Variants in LSMEM1 observed in about 807,000 individuals in gnomAD.
The protein encoded by LSMEM1 is leucine-rich single-pass membrane protein 1.
In LSMEM1, 10 loss-of-function variants were observed where a neutral mutation model predicts 11.3. The ratio of observed to expected loss-of-function variants is 0.89; its 90% CI spans 0.55 to 1.50. The LOEUF (loss-of-function observed/expected upper bound fraction) is 1.50. Ranked by LOEUF, LSMEM1 falls within the 40% of genes most tolerant of loss-of-function variation. The pLI is 0.00. For missense variants in LSMEM1, 151 were observed against 152.9 expected (o/e 0.99, Z 0.06); for synonymous variants, 65 against 59.3 (o/e 1.10, Z -0.44).
At chr7:112,488,095 G>A (rs760437881) in intron 3 of LSMEM1, among the ~76,000 whole-genome samples, 1 of 152,164 alleles carries the variant, frequency 6.6e-6, no homozygotes, top group African/African-American at 2.4e-5. Flanking sequence ...CTTACAGCTT[G>A]AAGGTCTTTA....
intron 1 of LSMEM1, chr7:112,483,700 G>A (rs1796076114): frequency 6.6e-6 from 1 of 152,186 alleles, no homozygotes; most frequent in Non-Finnish European, 1.5e-5. Flanking sequence ...CACAAAGCAA[G>A]ACTCATTGAA....
At chr7:112,487,784 A>G (rs1464187093) in intron 3 of LSMEM1, among the ~76,000 whole-genome samples, 1 of 152,208 alleles carries the variant, frequency 6.6e-6, no homozygotes, top group East Asian at 1.9e-4. Flanking sequence ...GCCTCTTCCC[A>G]CAGAGCCCAC....
chr7:112,480,812 A>G, upstream of LSMEM1: 1 of 456,196 alleles, frequency 2.2e-6, no homozygotes, highest in Non-Finnish European at 4.4e-6. Context: ...TGTCATAATC[A>G]TATTCTGTCC....
intron 3 of LSMEM1, among the ~76,000 whole-genome samples, chr7:112,487,409 A>G (rs1796154500): frequency 6.6e-6 from 1 of 152,278 alleles, no homozygotes; most frequent in African/African-American, 2.4e-5. Flanking sequence ...ATTCAGATCT[A>G]TAACATCGAA....
chr7:112,480,781 C>G, upstream of LSMEM1: 2 of 455,878 alleles, frequency 4.4e-6, no homozygotes, highest in Admixed American at 4.7e-5. Context: ...GGCGTCTGAC[C>G]TGCCATCATC....
chr7:112,484,311 A>T (rs1236242104), intron 1 of LSMEM1, among the ~76,000 whole-genome samples: 1 of 152,208 alleles, frequency 6.6e-6, no homozygotes. Flanking sequence ...CTGCAATTAG[A>T]ATGGTTCATG....
At chr7:112,483,254 C>T (rs990775240) in intron 1 of LSMEM1, among the ~76,000 whole-genome samples, 2 of 151,752 alleles carry the variant, frequency 1.3e-5, no homozygotes, top group African/African-American at 4.8e-5. Context: ...TTGTCAAATA[C>T]ACACAGGCAC....
chr7:112,483,296 A>G (rs1448004860), intron 1 of LSMEM1: 5 of 152,218 alleles, frequency 3.3e-5, no homozygotes, highest in Non-Finnish European at 2.9e-5. Context: ...ACTAGAGTCC[A>G]GATAGACATC....
intron 1 of LSMEM1, among the ~76,000 whole-genome samples, chr7:112,482,385 T>A (rs929385405): frequency 1.3e-5 from 2 of 152,206 alleles, no homozygotes; most frequent in African/African-American, 4.8e-5. Flanking sequence ...TAGCTAGGTC[T>A]CTATTTTGTA....
intron 1 of LSMEM1, chr7:112,483,424 TTAACA>T (rs1448439501): frequency 6.6e-6 from 1 of 152,226 alleles, no homozygotes; most frequent in African/African-American, 2.4e-5. Context: ...GTGTTCCATC[TTAACA>T]TAAGTCACCA....
At chr7:112,486,521 A>G in intron 2 of LSMEM1, 2 of 344,648 alleles carry the variant, frequency 5.8e-6, no homozygotes, top group Non-Finnish European at 1.2e-5. Context: ...TCACGCCTGT[A>G]ATCCCAGCAC....
chr7:112,482,562 C>T (rs1796051386), intron 1 of LSMEM1, among the ~76,000 whole-genome samples: 1 of 152,160 alleles, frequency 6.6e-6, no homozygotes, highest in Non-Finnish European at 1.5e-5. Flanking sequence ...TGATGTGACA[C>T]ATAAAACTTT....
At chr7:112,489,176 A>G (rs545320452) in intron 3 of LSMEM1, among the ~76,000 whole-genome samples, 2 of 152,298 alleles carry the variant, frequency 1.3e-5, no homozygotes, top group South Asian at 4.1e-4. Flanking sequence ...TTACTGGATA[A>G]TTGCTCTGTG....
At chr7:112,481,883 C>G (rs569782978) in intron 1 of LSMEM1, among the ~76,000 whole-genome samples, 1 of 152,344 alleles carries the variant, frequency 6.6e-6, no homozygotes, top group Admixed American at 6.5e-5. Flanking sequence ...AATTTGCACA[C>G]TGGAGTTGAA....
chr7:112,486,564 C>T (rs1796130952), intron 2 of LSMEM1: 1 of 309,308 alleles, frequency 3.2e-6, no homozygotes, highest in African/African-American at 2.2e-5. Flanking sequence ...ATCATGAGGT[C>T]AGGAGATTGA....
Position 112,484,938 on chromosome 7 carries a change from T to A in LSMEM1, c.122T>A (p.Leu41Gln), listed in dbSNP as rs1334731455. Residue 41 changes from leucine to glutamine, a missense_variant, in exon 2 of 4, where the codon CTG becomes CAG. Leu to Gln is a moderately radical substitution (Grantham distance 113, BLOSUM62 -2). Transcript: ENST00000312849. ...CTCTGTCCAGCCGGATCGCAGCATC[T>A]GTTCCGTATGTGTGCTGGGGAAGGC... ...LNLCPAGSQHLFPLEDKIPVL... is the reference protein window; with the variant it reads ...LNLCPAGSQHQFPLEDKIPVL... 2 of 1,611,368 alleles carry A rather than the reference T, an allele frequency of 1.2e-6. No homozygotes were observed. The highest frequency in any genetic ancestry group is 1.7e-4 in the Middle Eastern group (1 of 6,038).
intron 2 of LSMEM1, chr7:112,486,094 A>G (rs985494703): frequency 6.2e-6 from 1 of 161,338 alleles, no homozygotes; most frequent in Non-Finnish European, 1.4e-5. Context: ...GACAGCTTTA[A>G]AAAACCAAAA....
At chr7:112,489,278 G>A (rs3128376) in intron 3 of LSMEM1, among the ~76,000 whole-genome samples, 71,103 of 151,966 alleles carry the variant, frequency 0.47, 17,903 homozygotes, top group African/African-American at 0.63. Flanking sequence ...GTTCCATTCC[G>A]TATCTTATTG....
At chr7:112,482,378 C>T (rs1796048581) in intron 1 of LSMEM1, among the ~76,000 whole-genome samples, 1 of 152,210 alleles carries the variant, frequency 6.6e-6, no homozygotes, top group Admixed American at 6.5e-5. Flanking sequence ...GATTTTCTAG[C>T]TAGGTCTCTA....
Sources: allele counts gnomAD v4.1 joint callset (sites outside exome capture counted in the v4.1 genomes callset), GRCh38; gene constraint gnomAD v4.1.1; transcripts MANE v1.5; gene names NCBI Gene and HGNC (gene_info 2026-07-23, HGNC 2026-07-21).